KCND2: variants seen among roughly 807,000 people sequenced by gnomAD.
The protein encoded by KCND2 is potassium voltage-gated channel subfamily D member 2.
Under a neutral mutation model 54.4 loss-of-function variants are expected in KCND2, and 16 were observed. The ratio of observed to expected loss-of-function variants is 0.29; its 90% CI spans 0.20 to 0.45. The LOEUF is 0.45. Among genes scored for constraint, KCND2 ranks in the 20% least tolerant of loss-of-function variants. KCND2 has a pLI of 1.00. For missense variants in KCND2, 486 were observed against 824.2 expected (o/e 0.59, Z 5.02); for synonymous variants, 317 against 310.7 (o/e 1.02, Z -0.21).
At chr7:120,393,325 G>T (rs1801105235) in intron 1 of KCND2, among the ~76,000 whole-genome samples, 1 of 151,948 alleles carries the variant, frequency 6.6e-6, no homozygotes, top group South Asian at 2.1e-4. Context: ...CTCATCGGGA[G>T]CACCATTAAT....
chr7:120,510,504 C>T (rs77317224), intron 1 of KCND2, among the ~76,000 whole-genome samples: 180 of 152,116 alleles, frequency 1.2e-3, no homozygotes, highest in Non-Finnish European at 2.0e-3. Context: ...TCAACCTTAG[C>T]TAAAAAGTCT....
chr7:120,712,350 G>A (rs1377303920), intron 1 of KCND2, among the ~76,000 whole-genome samples: 1 of 128,248 alleles, frequency 7.8e-6, no homozygotes, highest in South Asian at 2.6e-4. Context: ...TGCAACCTCT[G>A]CCTCCCCAGT....
rs184574710 is a variant in KCND2, at chr7:120,363,683, G to A, written c.1115+87936G>A. On this transcript the variant is annotated intron_variant, in intron 1 of 5. Transcript: ENST00000331113. ...TTCTGTCATACCTAATTTTGATCAT[G>A]TATGTTACCTCTCTAAGGACCTTGT... Among the ~76,000 whole-genome samples the A allele has an allele frequency of 7.9e-5, 12 of 152,182 alleles. No homozygotes were observed. The East Asian group carries it at 2.3e-3, about 29-fold the overall frequency.
intron 1 of KCND2, among the ~76,000 whole-genome samples, chr7:120,440,780 G>A (rs1801935782): frequency 6.6e-6 from 1 of 151,792 alleles, no homozygotes; most frequent in African/African-American, 2.4e-5. Flanking sequence ...TATATCCCTA[G>A]TTTACATCTT....
intron 1 of KCND2, among the ~76,000 whole-genome samples, chr7:120,540,877 T>TA (rs1420102302): frequency 6.6e-6 from 1 of 152,314 alleles, no homozygotes; most frequent in East Asian, 1.9e-4. Flanking sequence ...GTTATATAAC[T>TA]AAAAAATATT....
At chr7:120,686,227 G>C (rs1456183204) in intron 1 of KCND2, among the ~76,000 whole-genome samples, 1 of 152,114 alleles carries the variant, frequency 6.6e-6, no homozygotes, top group Non-Finnish European at 1.5e-5. Flanking sequence ...TGGGAGTGCA[G>C]ATATCTCTTA....
chr7:120,721,579 G>A (rs1174698407), intron 1 of KCND2, among the ~76,000 whole-genome samples: 5 of 152,118 alleles, frequency 3.3e-5, no homozygotes, highest in South Asian at 2.1e-4. Context: ...GAATTTTAGA[G>A]GAAGCCTCTG....
At chr7:120,554,254 G>A (rs1370151010) in intron 1 of KCND2, among the ~76,000 whole-genome samples, 1 of 152,052 alleles carries the variant, frequency 6.6e-6, no homozygotes, top group Non-Finnish European at 1.5e-5. Context: ...TGCTATTCCT[G>A]GCCAGTTTCA....
intron 1 of KCND2, among the ~76,000 whole-genome samples, chr7:120,318,510 T>G (rs1237749445): frequency 6.6e-6 from 1 of 152,106 alleles, no homozygotes; most frequent in Non-Finnish European, 1.5e-5. Flanking sequence ...ATAACATCAG[T>G]CACAACACTT....
chr7:120,373,674 A>T (rs1050673983), intron 1 of KCND2, among the ~76,000 whole-genome samples: 5 of 151,812 alleles, frequency 3.3e-5, no homozygotes, highest in African/African-American at 1.2e-4. Flanking sequence ...GAATGTATAG[A>T]CCCATGGATA....
intron 1 of KCND2, among the ~76,000 whole-genome samples, chr7:120,488,809 C>A (rs998925242): frequency 1.3e-5 from 2 of 151,790 alleles, no homozygotes; most frequent in African/African-American, 4.8e-5. Flanking sequence ...AAGTAATATA[C>A]ATGGAAAAAC....
intron 1 of KCND2, among the ~76,000 whole-genome samples, chr7:120,393,558 C>T (rs1563031615): frequency 6.6e-6 from 1 of 151,898 alleles, no homozygotes; most frequent in Non-Finnish European, 1.5e-5. Flanking sequence ...TCATTGTATA[C>T]CCATGTATCC....
At chr7:120,473,850 T>C (rs1584793611) in intron 1 of KCND2, among the ~76,000 whole-genome samples, 1 of 152,274 alleles carries the variant, frequency 6.6e-6, no homozygotes, top group East Asian at 1.9e-4. Context: ...TCACTGGATA[T>C]ACTGGGAGAG....
chr7:120,324,581 C>G (rs1431466337), intron 1 of KCND2, among the ~76,000 whole-genome samples: 2 of 149,266 alleles, frequency 1.3e-5, no homozygotes, highest in African/African-American at 2.4e-5. Flanking sequence ...GCTTGTTTTT[C>G]TCAGGTTTGT....
At position 120,743,681 on chromosome 7, in the gene KCND2, C is replaced by T. The variant is rs73721457; in HGVS notation, c.1467+1079C>T. On this transcript the variant is annotated intron_variant, in intron 4 of 5. Coordinates refer to ENST00000331113, the MANE Select transcript of KCND2 (RefSeq NM_012281.3). The stretch of plus-strand genomic sequence containing the variant: ...GCAATGAAGGGGCTAACAGGTGATA[C>T]AAGTACCTGAAGAAGGAAAGAACTC... Among the ~76,000 whole-genome samples, 1,000 of 152,110 alleles carry T rather than the reference C, an allele frequency of 6.6e-3. 14 individuals are homozygous for T. The highest frequency in any genetic ancestry group is 0.023 in the African/African-American group (944 of 41,504).
chr7:120,454,930 G>T (rs566994552), intron 1 of KCND2, among the ~76,000 whole-genome samples: 1 of 152,226 alleles, frequency 6.6e-6, no homozygotes, highest in African/African-American at 2.4e-5. Flanking sequence ...AATTCCATTT[G>T]TAGTAGCCGC....
intron 1 of KCND2, among the ~76,000 whole-genome samples, chr7:120,376,941 G>A (rs1321541620): frequency 1.3e-5 from 2 of 151,892 alleles, no homozygotes; most frequent in Admixed American, 6.6e-5. Context: ...CTAGAGAGAT[G>A]TATGTCTTCA....
chr7:120,454,564 G>C (rs182437046), intron 1 of KCND2, among the ~76,000 whole-genome samples: 4 of 152,134 alleles, frequency 2.6e-5, no homozygotes, highest in Admixed American at 2.6e-4. Context: ...GTAATAAAAA[G>C]CTTACCAACC....
chr7:120,510,015 CCT>C (rs1209479041), intron 1 of KCND2, among the ~76,000 whole-genome samples: 14 of 152,080 alleles, frequency 9.2e-5, no homozygotes, highest in African/African-American at 3.1e-4. Context: ...CCCTTTTCCC[CCT>C]GTCATTTCTT....
Sources: gnomAD v4.1 joint callset for allele counts (sites outside exome capture counted in the v4.1 genomes callset) on GRCh38, gnomAD v4.1.1 for gene constraint, MANE v1.5 for transcripts, NCBI Gene and HGNC (gene_info 2026-07-23, HGNC 2026-07-21) for gene names.